PTPRN2: variants seen among roughly 807,000 people sequenced by gnomAD.
The protein encoded by PTPRN2 is protein tyrosine phosphatase receptor type N2, also known as receptor-type tyrosine-protein phosphatase N2.
PTPRN2 carries 74 observed loss-of-function variants against 118.8 expected under a neutral mutation model. The observed-to-expected ratio is 0.62, with a 90% CI of 0.52 to 0.76. The LOEUF (loss-of-function observed/expected upper bound fraction) is 0.76. Ranked by LOEUF, PTPRN2 falls within the 30% of genes least tolerant of loss-of-function variation. PTPRN2 has a pLI of 0.00. For synonymous variants in PTPRN2, 641 were observed against 608.0 expected (o/e 1.05, Z -0.80); for missense variants, 1,481 against 1,394.4 (o/e 1.06, Z -0.99).
In PTPRN2 at chr7:157,629,130, A is replaced by C. The variant is rs938529311; in HGVS notation, c.2197-7621T>G. Among the ~76,000 whole-genome samples, 3 of 152,194 alleles carry C rather than the reference A, an allele frequency of 2.0e-5. No individual in the cohort carries two copies. The highest frequency in any genetic ancestry group is 7.2e-5 in the African/African-American group (3 of 41,450). On this transcript the variant is annotated intron_variant, in intron 14 of 22. Transcript: ENST00000389418. The surrounding 1 kb of genome is among the most constrained non-coding windows in gnomAD (Gnocchi z 4.4). ...CCACCTCTGAGTACTGGGGTAGTGC[A>C]TCTGGAGACTTGTAAAGGGTCCAGA...
intron 2 of PTPRN2, among the ~76,000 whole-genome samples, chr7:158,364,143 A>T (rs551855404): frequency 6.6e-6 from 1 of 151,494 alleles, no homozygotes; most frequent in Non-Finnish European, 1.5e-5. Context: ...CAGGGTCTGC[A>T]GAGCCCCCAT....
At chr7:158,010,190 C>A (rs780682703) in intron 11 of PTPRN2, among the ~76,000 whole-genome samples, 1 of 152,154 alleles carries the variant, frequency 6.6e-6, no homozygotes, top group Non-Finnish European at 1.5e-5. Context: ...CACGGGAGGA[C>A]GGAGTTCATT....
At chr7:158,036,738 G>A (rs1808114756) in intron 11 of PTPRN2, among the ~76,000 whole-genome samples, 1 of 152,064 alleles carries the variant, frequency 6.6e-6, no homozygotes, top group Non-Finnish European at 1.5e-5. Context: ...AAGAAACTAG[G>A]AATAAAGCAT....
chr7:158,319,214 AAACT>A (rs1476697106), intron 2 of PTPRN2, among the ~76,000 whole-genome samples: 2 of 152,210 alleles, frequency 1.3e-5, no homozygotes, highest in African/African-American at 2.4e-5. Flanking sequence ...CAGTTGAAAT[AAACT>A]AACCATTGAT....
chr7:158,518,721 A>T (rs1487479655), intron 1 of PTPRN2, among the ~76,000 whole-genome samples: 2 of 152,184 alleles, frequency 1.3e-5, no homozygotes, highest in East Asian at 3.8e-4. Context: ...GCGGTGGTTC[A>T]TGCCTGTAAT....
At chr7:157,922,710 G>A (rs1023951982) in intron 11 of PTPRN2, among the ~76,000 whole-genome samples, 7 of 152,134 alleles carry the variant, frequency 4.6e-5, no homozygotes, top group South Asian at 2.1e-4. Flanking sequence ...AGCGGCAATC[G>A]TCTTTATTAT....
intron 3 of PTPRN2, among the ~76,000 whole-genome samples, chr7:158,273,832 G>A (rs1259838978): frequency 1.2e-4 from 15 of 126,552 alleles, no homozygotes; most frequent in Admixed American, 4.1e-4. Context: ...TGGGGGAGCC[G>A]CAGACACAGG....
rs939148573 is a variant in PTPRN2 at position 157,610,682 on chromosome 7, G to A, written c.2345-6607C>T. Among the ~76,000 whole-genome samples, 5 of 152,312 alleles carry A rather than the reference G, an allele frequency of 3.3e-5. No individual in the cohort carries two copies. The highest frequency in any genetic ancestry group is 1.2e-4 in the African/African-American group (5 of 41,556). On this transcript the variant is annotated intron_variant, in intron 15 of 22. Transcript: ENST00000389418. The surrounding 1 kb of genome is among the most constrained non-coding windows in gnomAD (Gnocchi z 5.1). ...GCAAAGGAATAAATGATCGGACCACGTTTGTTTCAATACTCTGAGAAGCTA... is the reference window on the plus strand; with the variant it reads ...GCAAAGGAATAAATGATCGGACCACATTTGTTTCAATACTCTGAGAAGCTA...
chr7:157,870,323 G>T (rs1810974916), intron 12 of PTPRN2, among the ~76,000 whole-genome samples: 1 of 152,194 alleles, frequency 6.6e-6, no homozygotes, highest in South Asian at 2.1e-4. Flanking sequence ...GAGGGGGTCT[G>T]CCACTATAGG....
chr7:157,757,838 G>A (rs917142037), intron 12 of PTPRN2, among the ~76,000 whole-genome samples: 7 of 152,222 alleles, frequency 4.6e-5, no homozygotes, highest in Non-Finnish European at 1.0e-4. Flanking sequence ...CCCAGCTGCT[G>A]AACTTAACCT....
intron 10 of PTPRN2, among the ~76,000 whole-genome samples, chr7:158,087,740 T>C (rs1470870957): frequency 2.0e-5 from 2 of 100,580 alleles, no homozygotes; most frequent in East Asian, 3.6e-4. Context: ...CTTCCCTTGA[T>C]GAAAGAGGGA....
intron 3 of PTPRN2, among the ~76,000 whole-genome samples, chr7:158,279,950 C>T (rs188579165): frequency 2.0e-4 from 30 of 152,326 alleles, no homozygotes; most frequent in Admixed American, 1.6e-3. Flanking sequence ...TCCGTGAAGA[C>T]AGTCGAGGTC....
intron 4 of PTPRN2, among the ~76,000 whole-genome samples, chr7:158,193,588 C>T (rs535953039): frequency 9.9e-4 from 151 of 152,150 alleles, no homozygotes; most frequent in African/African-American, 3.5e-3. Context: ...TCAGCTGTGG[C>T]GGAGAGCTTG....
At chr7:157,854,305 C>T (rs1379007085) in intron 12 of PTPRN2, among the ~76,000 whole-genome samples, 1 of 152,330 alleles carries the variant, frequency 6.6e-6, no homozygotes, top group Middle Eastern at 3.4e-3. Context: ...GCCTCTGCCC[C>T]ACCCTCAGCT....
At chr7:158,071,125 G>C (rs1255843063) in intron 11 of PTPRN2, among the ~76,000 whole-genome samples, 31 of 67,050 alleles carry the variant, frequency 4.6e-4, no homozygotes, top group South Asian at 7.9e-4. Context: ...AGGTGCCCGT[G>C]GTGGTGGAGG....
At chr7:158,154,367 T>C (rs145586410) in intron 6 of PTPRN2, among the ~76,000 whole-genome samples, 36 of 152,308 alleles carry the variant, frequency 2.4e-4, no homozygotes, top group African/African-American at 8.4e-4. Context: ...AAATGAAATA[T>C]AGTAAGTGTG....
At chr7:157,580,747 C>A (rs1333895198) in intron 17 of PTPRN2, among the ~76,000 whole-genome samples, 2 of 132,424 alleles carry the variant, frequency 1.5e-5, no homozygotes, top group Non-Finnish European at 3.2e-5. Context: ...CACCTGCACA[C>A]CCCAGCACCT....
At chr7:158,171,218 CAT>C (rs1563555044) in intron 5 of PTPRN2, among the ~76,000 whole-genome samples, 5 of 109,490 alleles carry the variant, frequency 4.6e-5, no homozygotes, top group South Asian at 2.8e-4. Context: ...TATATACACA[CAT>C]ATATACACAC....
rs1287948965 is a variant in PTPRN2 at position 157,587,953 on chromosome 7, G to A, written c.2496+7285C>T. On this transcript the variant is annotated intron_variant, in intron 17 of 22. Transcript: ENST00000389418. This position sits in a 1 kb window ranked among gnomAD's most constrained non-coding sequence, Gnocchi z 5.3. ...GCTGTCCCCGTGCCTGGGCTCCCGCGGTGGCTGTCCCCGTGCCTGGGCTCC... is the reference window on the plus strand; with the variant it reads ...GCTGTCCCCGTGCCTGGGCTCCCGCAGTGGCTGTCCCCGTGCCTGGGCTCC... 7.3e-5 allele frequency among the ~76,000 whole-genome samples: 11 copies of A among 151,500 alleles called. No individual in the cohort carries two copies. The highest frequency in any genetic ancestry group is 6.3e-4 in the South Asian group (3 of 4,774).
Sources: allele counts gnomAD v4.1 joint callset (sites outside exome capture counted in the v4.1 genomes callset), GRCh38; gene constraint gnomAD v4.1.1; non-coding constraint Gnocchi (gnomAD v3.1); transcripts MANE v1.5; gene names NCBI Gene and HGNC (gene_info 2026-07-23, HGNC 2026-07-21).